The following MYH4 variants were observed in gnomAD, a reference collection of about 807,000 sequenced individuals.
The protein encoded by MYH4 is myosin-4.
MYH4 carries 200 observed loss-of-function variants against 229.9 expected under a neutral mutation model. That is an observed-to-expected ratio of 0.87 (90% CI 0.78 to 0.98). MYH4 has a LOEUF of 0.98. Ranked by LOEUF, MYH4 falls within the 50% of genes least tolerant of loss-of-function variation. MYH4 has a pLI of 0.00. For missense variants in MYH4, 2,148 were observed against 2,332.6 expected (o/e 0.92, Z 1.63); for synonymous variants, 761 against 834.6 (o/e 0.91, Z 1.52).
At position 10,452,520 on chromosome 17, in the gene MYH4, A is replaced by C; in HGVS notation, c.3258-14T>G. The C allele has an allele frequency of 6.2e-7, 1 of 1,609,926 alleles. No homozygotes were observed. Among genetic ancestry groups the C allele is most frequent in the Non-Finnish European group, 8.5e-7 (1 of 1,176,770 alleles). On this transcript the variant is annotated splice_polypyrimidine_tract_variant and intron_variant, in intron 25 of 39. Transcript: ENST00000255381. ...TCAAACTCTTTCCTATTAGAAGAGC[A>C]ACACATTAGCTTATAATCACTTCTC...
In MYH4 at chr17:10,450,613, G is replaced by A. The variant is rs765219970; in HGVS notation, c.4021C>T (p.Arg1341Cys). 21 of 1,614,068 alleles carry A rather than the reference G, an allele frequency of 1.3e-5. No homozygotes were observed. The highest frequency in any genetic ancestry group is 4.0e-5 in the African/African-American group (3 of 74,948). Residue 1341 changes from arginine to cysteine, a missense_variant, in exon 30 of 40, where the codon CGC (arginine) becomes TGC (cysteine). Arg to Cys is a radical substitution (Grantham distance 180). Transcript: ENST00000255381. ...STLAHALQSA[R>C]HDCDLLREQY... The stretch of plus-strand genomic sequence containing the variant: ...TCCCGCAGCAGGTCACAGTCATGGC[G>A]GGCTGACTGCAGGGCATGGGCCAGA...
rs531622320 is a variant in MYH4 at position 10,455,784 on chromosome 17, G to T, written c.2056+30C>A. The T allele has an allele frequency of 1.9e-6, 3 of 1,614,160 alleles. No individual in the cohort carries two copies. The African/African-American group carries it at 4.0e-5, about 22-fold the overall frequency. The stretch of plus-strand genomic sequence containing the variant: ...TTCGTGGTCTATCGCACACACACTG[G>T]AGCTTGTCTGGATATCAGAAATGTC... On this transcript the variant is annotated intron_variant, in intron 18 of 39. Transcript: ENST00000255381.
In MYH4 at chr17:10,461,159, A is replaced by G. The variant is rs540900615; in HGVS notation, c.1009-105T>C. On this transcript the variant is annotated intron_variant, in intron 11 of 39. Transcript: ENST00000255381. ...TTTTTCTCATCACGCCTTGCCTTAT[A>G]TTTGACTAGCACTTTGCCATCTTCA... 4.1e-5 allele frequency: 53 copies of G among 1,300,182 alleles called. No homozygotes were observed. In the African/African-American group the frequency reaches 7.3e-4, roughly 18 times the overall value. The allele number at this position is 1,300,182 out of a possible 1,614,324, so 80.5% of individuals were successfully genotyped here.
chr17:10,449,389 G>A (rs1327675450), intron 30 of MYH4, among the ~76,000 whole-genome samples: 2 of 152,150 alleles, frequency 1.3e-5, no homozygotes, highest in African/African-American at 4.8e-5. Flanking sequence ...CTATAGTGTG[G>A]CACATTTTCT....
chr17:10,464,419 G>A (rs2142231459), intron 7 of MYH4, 53 bp downstream of exon 7: 2 of 1,455,242 alleles, frequency 1.4e-6, no homozygotes, highest in Middle Eastern at 2.3e-4. Context: ...TGATGTGCAC[G>A]TGGTTAGATT....
chr17:10,459,952 A>T lies in MYH4; in HGVS notation c.1416T>A (p.Asp472Glu). ...VLDIAGFEIF[D>E]FNSLEQLCIN... ...AATTTTCTGTCAGTTCACTACTCAC[A>T]TCAAAGATCTCAAAGCCAGCAATGT... Residue 472 changes from aspartate to glutamate, a missense_variant and splice_region_variant, in exon 14 of 40, where the codon GAT becomes GAA. By Grantham distance (45) the Asp-to-Glu change is conservative. Transcript: ENST00000255381. 6.2e-7 allele frequency: 1 copy of T among 1,614,026 alleles called. No individual in the cohort carries two copies. The highest frequency in any genetic ancestry group is 8.5e-7 in the Non-Finnish European group (1 of 1,179,926).
intron 11 of MYH4, 119 bp from the exon 12 acceptor site, chr17:10,461,173 T>C: frequency 8.6e-7 from 1 of 1,158,510 alleles, no homozygotes; most frequent in East Asian, 2.4e-5. Flanking sequence ...GACTAGCACT[T>C]TGCCATCTTC....
In MYH4 at chr17:10,443,914, GA is replaced by G. The variant is rs199787188; in HGVS notation, c.5668-388del. On this transcript the variant is annotated intron_variant, in intron 39 of 39. Transcript: ENST00000255381. The surrounding 1 kb of genome is among the most constrained non-coding windows in gnomAD (Gnocchi z 4.6). ...GGCAACAAGAGCAAAACTCTGCCTC[GA>G]AAAAAAAAAAAAGAAGAGAAAAAGG... Among the ~76,000 whole-genome samples, 245 of 127,296 alleles carry G rather than the reference GA, an allele frequency of 1.9e-3. No homozygotes were observed. Among genetic ancestry groups the G allele is most frequent in the East Asian group, 0.017 (74 of 4,484 alleles). 83.5% of individuals were successfully genotyped at this position (127,296 alleles called of 152,430 possible).
Position 10,451,323 on chromosome 17 carries a change from G to C in MYH4, c.3865+3C>G, listed in dbSNP as rs2072570031. The C allele has an allele frequency of 2.5e-6, 4 of 1,613,252 alleles. No homozygotes were observed. The highest frequency in any genetic ancestry group is 1.7e-5 in the Admixed American group (1 of 59,824). The stretch of plus-strand genomic sequence containing the variant: ...CGAAGGTTGATGCTATTTATTTACT[G>C]ACCTGATTCTGTGTGTAAACGTGCC... On this transcript the variant is annotated splice_donor_region_variant and intron_variant, in intron 28 of 39. Transcript: ENST00000255381.
Position 10,462,882 on chromosome 17 carries a change from C to T in MYH4, c.991G>A (p.Glu331Lys), listed in dbSNP as rs772459794. The T allele has an allele frequency of 1.2e-6, 2 of 1,613,886 alleles. No individual in the cohort carries two copies. The highest frequency in any genetic ancestry group is 1.1e-5 in the South Asian group (1 of 91,028). The change falls in exon 11 of 40, where the codon GAG becomes AAG. Residue 331 changes from glutamate (E) to lysine (K), a missense_variant. Glu to Lys is a moderately conservative substitution (Grantham distance 56). Coordinates refer to ENST00000255381, the MANE Select transcript of MYH4 (RefSeq NM_017533.2). Reference protein sequence around the residue: ...ITVPSIDDQEELMATDSAVDI... With the variant: ...ITVPSIDDQEKLMATDSAVDI... The stretch of plus-strand genomic sequence containing the variant: ...TTACTTACATCTGTGGCCATCAGCT[C>T]TTCCTGGTCATCAATGCTGGGCACA...
intron 22 of MYH4, 100 bp downstream of exon 22, chr17:10,454,455 T>C: frequency 6.7e-7 from 1 of 1,484,308 alleles, no homozygotes; most frequent in Non-Finnish European, 9.1e-7. Context: ...TTGGTGTTTT[T>C]GAACAGCAAA....
At chr17:10,453,008 A>T in intron 24 of MYH4, 76 bp from the exon 25 acceptor site, 1 of 1,586,220 alleles carries the variant, frequency 6.3e-7, no homozygotes, top group Non-Finnish European at 8.6e-7. Flanking sequence ...AAAGATACAT[A>T]AGAAAAAAAT....
At chr17:10,464,729 A>G in intron 5 of MYH4, 21 bp from the exon 6 acceptor site, 1 of 1,611,114 alleles carries the variant, frequency 6.2e-7, no homozygotes, top group African/African-American at 1.3e-5. Flanking sequence ...GAAGCCAAAG[A>G]TAATATTTAG....
At chr17:10,465,669 G>A in intron 4 of MYH4, 71 bp from the exon 5 acceptor site, 2 of 1,582,512 alleles carry the variant, frequency 1.3e-6, no homozygotes, top group Non-Finnish European at 1.7e-6. Flanking sequence ...CTGTTTAAGG[G>A]CAAGTAGAGC....
chr17:10,456,550 C>A lies in MYH4; in HGVS notation c.1903G>T (p.Gly635Cys). The A allele has an allele frequency of 1.2e-6, 2 of 1,613,776 alleles. No homozygotes were observed. The highest frequency in any genetic ancestry group is 1.7e-6 in the Non-Finnish European group (2 of 1,179,824). Residue 635 changes from glycine to cysteine, a missense_variant, in exon 17 of 40, where the codon GGT becomes TGT. Transcript: ENST00000255381. ...TTTTTGCCACCTTTCTTTCCACCAC[C>A]ACCCTCTAAAAAACAAAATGGGAAA... ...SGAQTAEAEGGGGKKGGKKKG... is the reference protein window; with the variant it reads ...SGAQTAEAEGCGGKKGGKKKG...
chr17:10,452,350 A>T lies in MYH4; in HGVS notation c.3349-20T>A. On this transcript the variant is annotated intron_variant, in intron 26 of 39. Coordinates refer to ENST00000255381, the MANE Select transcript of MYH4 (RefSeq NM_017533.2). Reference sequence around the variant, plus strand: ...GCGGGCCTGGTTGTGATATGTCAACATTAATGTGAATTTATGTCAGTTTTG... The same window carrying T: ...GCGGGCCTGGTTGTGATATGTCAACTTTAATGTGAATTTATGTCAGTTTTG... 1.2e-6 allele frequency: 2 copies of T among 1,614,166 alleles called. No individual in the cohort carries two copies. The highest frequency in any genetic ancestry group is 1.7e-4 in the Middle Eastern group (1 of 6,060).
chr17:10,466,275 AG>A lies in MYH4; in HGVS notation c.345del (p.Tyr116ThrfsTer25). 2 of 1,613,934 alleles carry A rather than the reference AG, an allele frequency of 1.2e-6. No individual in the cohort carries two copies. Among genetic ancestry groups the A allele is most frequent in the Non-Finnish European group, 1.7e-6 (2 of 1,179,926 alleles). The part of the protein sequence containing the change: ...NLKERYAAWM[I>X]YTYSGLFCVT... The stretch of plus-strand genomic sequence containing the variant: ...AATAGCGTTGAAAGGGTGCTCACGT[AG>A]ATCATCCAGGCTGCGTAACGCTCTT... On this transcript the variant is annotated frameshift_variant, in exon 4 of 40. Coordinates refer to ENST00000255381, the MANE Select transcript of MYH4 (RefSeq NM_017533.2). LOFTEE classifies it high-confidence loss of function.
chr17:10,455,736 G>A lies in MYH4; in HGVS notation c.2057-5C>T, dbSNP rs4057116. 2.5e-5 allele frequency: 40 copies of A among 1,614,134 alleles called. No individual in the cohort carries two copies. In the African/African-American group the frequency reaches 4.7e-4, roughly 19 times the overall value. On this transcript the variant is annotated splice_region_variant and splice_polypyrimidine_tract_variant and intron_variant, in intron 18 of 39. Coordinates refer to ENST00000255381, the MANE Select transcript of MYH4 (RefSeq NM_017533.2). ...CAAGCTCATGCTCCATGGCACCTAA[G>A]AGAATGAATCCACATGCCATACTTC...
At position 10,457,573 on chromosome 17, in the gene MYH4, G is replaced by A. The variant is rs776230408; in HGVS notation, c.1744C>T (p.Leu582=). The A allele has an allele frequency of 2.5e-6, 4 of 1,614,100 alleles. 1 individual carries two copies. The highest frequency in any genetic ancestry group is 3.4e-6 in the Non-Finnish European group (4 of 1,180,038). The change falls in exon 16 of 40, where the codon CTG becomes TTG. Residue 582 remains leucine, a synonymous_variant. Transcript: ENST00000255381. The part of the protein sequence containing the change: ...AKGKPEAHFS[L]VHYAGTVDYN... ...TCCACGGTGCCGGCATAGTGCACCA[G>A]TGAGAAGTGAGCCTCAGGCTTGCCT...
Sources: gnomAD v4.1 joint callset for allele counts (sites outside exome capture counted in the v4.1 genomes callset) on GRCh38, gnomAD v4.1.1 for gene constraint, Gnocchi (gnomAD v3.1) non-coding constraint, MANE v1.5 for transcripts, NCBI Gene and HGNC (gene_info 2026-07-23, HGNC 2026-07-21) for gene names.